EYS: variants seen among roughly 807,000 people sequenced by gnomAD.
The protein encoded by EYS is protein eyes shut homolog.
In EYS, 250 loss-of-function variants were observed where a neutral mutation model predicts 282.1. The observed-to-expected ratio is 0.89, with a 90% CI of 0.80 to 0.98. EYS has a LOEUF of 0.98. EYS is among the 50% of genes least tolerant of loss of function. EYS has a pLI of 0.00. For missense variants in EYS, 4,016 were observed against 3,709.0 expected (o/e 1.08, Z -2.15); for synonymous variants, 1,355 against 1,282.9 (o/e 1.06, Z -1.20).
At chr6:65,618,176 A>G (rs897584816) in intron 2 of EYS, among the ~76,000 whole-genome samples, 10 of 152,140 alleles carry the variant, frequency 6.6e-5, no homozygotes, top group African/African-American at 1.9e-4. Context: ...CCAACAGTGT[A>G]AAAGTGTTCC....
At chr6:65,541,351 A>G (rs1224336884) in intron 2 of EYS, among the ~76,000 whole-genome samples, 1 of 152,196 alleles carries the variant, frequency 6.6e-6, no homozygotes, top group Non-Finnish European at 1.5e-5. Flanking sequence ...TTCAGAGATT[A>G]TTGAATTTTA....
At position 64,291,877 on chromosome 6, in the gene EYS, CAA is replaced by C. The variant is rs530208418; in HGVS notation, c.6191+15091_6191+15092del. 3.7e-3 allele frequency among the ~76,000 whole-genome samples: 562 copies of C among 152,072 alleles called. 2 individuals are homozygous for C. Among genetic ancestry groups the C allele is most frequent in the African/African-American group, 0.012 (508 of 41,518 alleles). On this transcript the variant is annotated intron_variant, in intron 30 of 42. Transcript: ENST00000503581. ...CTTGTAAATTTATTGGGAATATTGT[CAA>C]ATATATATGAAGATGGCTGATTATA...
chr6:64,401,998 A>T (rs1773551602), intron 28 of EYS, among the ~76,000 whole-genome samples: 1 of 152,130 alleles, frequency 6.6e-6, no homozygotes, highest in Non-Finnish European at 1.5e-5. Flanking sequence ...CAGAAATTTT[A>T]TGCTGTACTT....
intron 19 of EYS, among the ~76,000 whole-genome samples, chr6:64,828,752 C>A (rs1045281768): frequency 1.3e-5 from 2 of 151,944 alleles, no homozygotes; most frequent in African/African-American, 4.8e-5. Flanking sequence ...GATAGTTGCA[C>A]TCCTAAGTTA....
chr6:65,091,188 C>G (rs185489820), intron 12 of EYS, among the ~76,000 whole-genome samples: 3 of 148,278 alleles, frequency 2.0e-5, no homozygotes, highest in Non-Finnish European at 3.0e-5. Flanking sequence ...AATCCTAGCA[C>G]TTTGGGAGGC....
chr6:64,361,333 G>T (rs1771996663), intron 29 of EYS, among the ~76,000 whole-genome samples: 1 of 151,522 alleles, frequency 6.6e-6, no homozygotes, highest in Admixed American at 6.6e-5. Context: ...CAAGTAAACT[G>T]ACTGCAGAGC....
In EYS at chr6:64,066,242, C is replaced by T. The variant is rs189475916; in HGVS notation, c.6725+96G>A. ...GTAGTGAGCTGAGATCACACCACTG[C>T]GCTCCAGACTGGGTGACAGAGCAAG... On this transcript the variant is annotated intron_variant, in intron 33 of 42. Transcript: ENST00000503581. 1.3e-4 allele frequency: 143 copies of T among 1,078,198 alleles called. 1 individual carries two copies. The African/African-American group carries it at 1.4e-3, about 10-fold the overall frequency. The allele number at this position is 1,078,198 out of a possible 1,614,324, so 66.8% of individuals were successfully genotyped here. A position where few individuals can be genotyped will look rare whatever the true frequency, so the allele number is the denominator to read the frequency against.
At chr6:64,049,423 A>G (rs1233313782) in intron 33 of EYS, among the ~76,000 whole-genome samples, 2 of 152,212 alleles carry the variant, frequency 1.3e-5, no homozygotes, top group Non-Finnish European at 2.9e-5. Flanking sequence ...ACTACAGTTA[A>G]TATTTTTAAT....
intron 40 of EYS, among the ~76,000 whole-genome samples, chr6:63,767,955 A>G (rs140460347): frequency 1.4e-4 from 22 of 152,276 alleles, no homozygotes; most frequent in African/African-American, 4.3e-4. Context: ...AACAAAGTCA[A>G]TGATAACAAG....
At chr6:63,799,540 T>C (rs1432498967) in intron 37 of EYS, among the ~76,000 whole-genome samples, 4 of 152,076 alleles carry the variant, frequency 2.6e-5, no homozygotes, top group Admixed American at 6.6e-5. Flanking sequence ...AGTGAAATAA[T>C]AAATAAACAT....
In EYS at chr6:65,505,156, T is replaced by G. The variant is rs75708904; in HGVS notation, c.-332-9163A>C. Among the ~76,000 whole-genome samples, 647 of 152,016 alleles carry G rather than the reference T, an allele frequency of 4.3e-3. 6 individuals carry two copies. In the East Asian group the frequency reaches 0.052, roughly 12 times the overall value. On this transcript the variant is annotated intron_variant, in intron 2 of 42. Transcript: ENST00000503581. The stretch of plus-strand genomic sequence containing the variant: ...TAGTTTGTGTCACTCAAGAAATTTG[T>G]CTATTTTATCAACATTTTCAAATAT...
chr6:65,662,049 C>T (rs761486275), intron 1 of EYS, among the ~76,000 whole-genome samples: 1 of 152,014 alleles, frequency 6.6e-6, no homozygotes, highest in East Asian at 1.9e-4. Flanking sequence ...ATTCACCACA[C>T]TCATTTTACT....
rs373465256 is a variant in EYS at position 64,611,103 on chromosome 6, G to GCT, written c.3684+6313_3684+6314dup. ...AGATTTCATAAAAGCTAGGATCTTG[G>GCT]CTCTCTGTTACCAGAGCCTAATTGA... On this transcript the variant is annotated intron_variant, in intron 24 of 42. Transcript: ENST00000503581. Among the ~76,000 whole-genome samples, 272 of 152,178 alleles carry GCT rather than the reference G, an allele frequency of 1.8e-3. 2 individuals are homozygous for GCT. Among genetic ancestry groups the GCT allele is most frequent in the African/African-American group, 6.5e-3 (268 of 41,496 alleles).
At chr6:65,546,573 C>CTT (rs11396973) in intron 2 of EYS, among the ~76,000 whole-genome samples, 48 of 151,166 alleles carry the variant, frequency 3.2e-4, no homozygotes, top group African/African-American at 5.3e-4. Context: ...ACAACTTGAT[C>CTT]TTTTTTTTGT....
chr6:63,806,156 C>CT, intron 37 of EYS, 34 bp downstream of exon 37: 1 of 1,508,028 alleles, frequency 6.6e-7, no homozygotes, highest in Non-Finnish European at 9.0e-7. Flanking sequence ...CTTAAAGGAG[C>CT]GAGGCAAGTC....
At chr6:65,453,458 C>A (rs1239029035) in intron 5 of EYS, among the ~76,000 whole-genome samples, 1 of 151,974 alleles carries the variant, frequency 6.6e-6, no homozygotes, top group Non-Finnish European at 1.5e-5. Flanking sequence ...CATATCTATG[C>A]TGCATAATGA....
chr6:63,845,373 A>G (rs551446920), intron 36 of EYS, among the ~76,000 whole-genome samples: 1 of 151,428 alleles, frequency 6.6e-6, no homozygotes, highest in African/African-American at 2.4e-5. Context: ...TTTAATCACT[A>G]TAAAATGATG....
At chr6:63,800,596 GT>G in intron 37 of EYS, among the ~76,000 whole-genome samples, 1 of 152,174 alleles carries the variant, frequency 6.6e-6, no homozygotes, top group South Asian at 2.1e-4. Context: ...GAGGTCAGGA[GT>G]TCATGACCAG....
chr6:64,120,675 A>T (rs1185043491), intron 31 of EYS, among the ~76,000 whole-genome samples: 1 of 152,142 alleles, frequency 6.6e-6, no homozygotes, highest in East Asian at 1.9e-4. Context: ...CAATGCTACC[A>T]AAGTCCAGTT....
Sources: gnomAD v4.1 joint callset for allele counts (sites outside exome capture counted in the v4.1 genomes callset) on GRCh38, gnomAD v4.1.1 for gene constraint, MANE v1.5 for transcripts, NCBI Gene and HGNC (gene_info 2026-07-23, HGNC 2026-07-21) for gene names.